ITIH2: variants seen among roughly 807,000 people sequenced by gnomAD.
ITIH2 encodes inter-alpha-trypsin inhibitor heavy chain 2.
Under a neutral mutation model 104.4 loss-of-function variants are expected in ITIH2, and 103 were observed. That is an observed-to-expected ratio of 0.99 (90% CI 0.84 to 1.16). The LOEUF (loss-of-function observed/expected upper bound fraction) is 1.16, where lower values mean the gene tolerates loss of function less well. Ranked by LOEUF, ITIH2 falls within the 50% of genes most tolerant of loss-of-function variation. The pLI is 0.00. For synonymous variants in ITIH2, 436 were observed against 435.4 expected (o/e 1.00, Z -0.02); for missense variants, 1,108 against 1,162.4 (o/e 0.95, Z 0.68).
At chr10:7,712,770 T>C (rs1454051097) in intron 4 of ITIH2, among the ~76,000 whole-genome samples, 1 of 152,216 alleles carries the variant, frequency 6.6e-6, no homozygotes, top group Non-Finnish European at 1.5e-5. Context: ...ATCATTGCCC[T>C]CATTCATTAA....
Position 7,737,699 on chromosome 10 carries a change from A to ATATTCTATATT in ITIH2, c.1958-922_1958-921insTATTCTATATT, listed in dbSNP as rs1564305704. 6.2e-4 allele frequency among the ~76,000 whole-genome samples: 9 copies of ATATTCTATATT among 14,628 alleles called. 2 individuals are homozygous for ATATTCTATATT. Among genetic ancestry groups the ATATTCTATATT allele is most frequent in the African/African-American group, 4.1e-3 (9 of 2,192 alleles). 9.6% of individuals were successfully genotyped at this position (14,628 alleles called of 152,430 possible). On this transcript the variant is annotated intron_variant, in intron 15 of 20. Transcript: ENST00000358415. ...ATATTTTCTATATTATATTCTATAT[A>ATATTCTATATT]ATATTCTATATTATATTCTATATAA... is the stretch of plus-strand genomic sequence containing the variant.
intron 14 of ITIH2, among the ~76,000 whole-genome samples, chr10:7,734,040 T>C (rs1358590350): frequency 2.0e-5 from 3 of 151,876 alleles, no homozygotes; most frequent in East Asian, 1.9e-4. Context: ...AGATCAGCAG[T>C]TGCTAAAGGT....
At chr10:7,748,160 G>A (rs1835197294) in intron 20 of ITIH2, among the ~76,000 whole-genome samples, 1 of 150,458 alleles carries the variant, frequency 6.6e-6, no homozygotes, top group African/African-American at 2.4e-5. Flanking sequence ...AGTGAGCAGA[G>A]ATAGCACCAC....
At position 7,747,508 on chromosome 10, in the gene ITIH2, C is replaced by T. The variant is rs79621268; in HGVS notation, c.2693+804C>T. Among the ~76,000 whole-genome samples the T allele has an allele frequency of 5.3e-3, 803 of 152,158 alleles. 8 individuals carry two copies. Among genetic ancestry groups the T allele is most frequent in the African/African-American group, 0.019 (771 of 41,510 alleles). ...TCAGTTTATGGGAGGAATGAGGTAC[C>T]GACGGGAATCAGTGAGCATGTGTCA... is the stretch of plus-strand genomic sequence containing the variant. On this transcript the variant is annotated intron_variant, in intron 20 of 20. Coordinates refer to ENST00000358415, the MANE Select transcript of ITIH2 (RefSeq NM_002216.3).
Position 7,737,631 on chromosome 10 carries a change from ATATTCTATAGAATATTCTATAT to A in ITIH2, c.1958-986_1958-965del, listed in dbSNP as rs1267824982. ...TATAGAATATTCTATATTATATTCT[ATATTCTATAGAATATTCTATAT>A]TATATTCTATATTATATTCTATATT... is the stretch of plus-strand genomic sequence containing the variant. On this transcript the variant is annotated intron_variant, in intron 15 of 20. Coordinates refer to ENST00000358415, the MANE Select transcript of ITIH2 (RefSeq NM_002216.3). 9.6e-4 allele frequency among the ~76,000 whole-genome samples: 105 copies of A among 109,928 alleles called. 2 individuals are homozygous for A. The highest frequency in any genetic ancestry group is 3.7e-3 in the African/African-American group (98 of 26,546). 72.1% of individuals were successfully genotyped at this position (109,928 alleles called of 152,430 possible). A position where few individuals can be genotyped will look rare whatever the true frequency, so the allele number is the denominator to read the frequency against.
chr10:7,743,061 A>G, intron 16 of ITIH2, 85 bp from the exon 17 acceptor site: 1 of 718,836 alleles, frequency 1.4e-6, no homozygotes, highest in Non-Finnish European at 2.4e-6. Context: ...TTCTGATTAA[A>G]TTAAAGATGT....
At chr10:7,737,666 T>TCTATAGA (rs1365806735) in intron 15 of ITIH2, among the ~76,000 whole-genome samples, 3,861 of 18,544 alleles carry the variant, frequency 0.21, 925 homozygotes, top group Non-Finnish European at 0.26. Context: ...TATTCTATAT[T>TCTATAGA]ATATTCTATA....
chr10:7,726,838 T>G, intron 9 of ITIH2, 112 bp from the exon 10 acceptor site: 1 of 929,256 alleles, frequency 1.1e-6, no homozygotes, highest in Non-Finnish European at 1.6e-6. Flanking sequence ...CTGGAAGAAG[T>G]TTAGCTTGAG....
At position 7,744,839 on chromosome 10, in the gene ITIH2, TAA is replaced by T; in HGVS notation, c.2459_2460del (p.Lys820ArgfsTer20). ...KEKVVTITLD[K>X]EMSFSVLLHR... ...AAAAAGTGGTAACTATCACCCTGGA[TAA>T]AGAGATGTCCTTTTCTGTTTTACTT... On this transcript the variant is annotated frameshift_variant, in exon 19 of 21. Transcript: ENST00000358415. LOFTEE classifies it high-confidence loss of function. 1 of 1,614,146 alleles carries T rather than the reference TAA, an allele frequency of 6.2e-7. No homozygotes were observed. Among genetic ancestry groups the T allele is most frequent in the Non-Finnish European group, 8.5e-7 (1 of 1,179,996 alleles).
In ITIH2 at chr10:7,726,240, C is replaced by T. The variant is rs555866523; in HGVS notation, c.985-710C>T. Among the ~76,000 whole-genome samples the T allele has an allele frequency of 1.3e-4, 20 of 152,130 alleles. No individual in the cohort carries two copies. The South Asian group carries it at 4.2e-3, about 32-fold the overall frequency. ...CTGAGAAATGAAGAAAGTGGATGCA[C>T]ATGAGGTTTGTAGAAGGGTGAGAAA... is the stretch of plus-strand genomic sequence containing the variant. On this transcript the variant is annotated intron_variant, in intron 9 of 20. Transcript: ENST00000358415.
chr10:7,731,882 G>A lies in ITIH2; in HGVS notation c.1533G>A (p.Thr511=), dbSNP rs566152480. 40 of 1,613,724 alleles carry A rather than the reference G, an allele frequency of 2.5e-5. No individual in the cohort carries two copies. The highest frequency in any genetic ancestry group is 1.6e-4 in the South Asian group (15 of 91,066). The part of the protein sequence containing the change: ...VQFNYPHTSV[T]DVTQNNFHNY... ...TCAACTATCCCCATACATCAGTCACGGACGTCACTCAAAACAATTTCCATA... is the reference window on the plus strand; with the variant it reads ...TCAACTATCCCCATACATCAGTCACAGACGTCACTCAAAACAATTTCCATA... The change falls in exon 13 of 21, where the codon ACG becomes ACA. Residue 511 remains threonine (T), a synonymous_variant. Coordinates refer to ENST00000358415, the MANE Select transcript of ITIH2 (RefSeq NM_002216.3).
chr10:7,724,475 C>T (rs1834933806), intron 9 of ITIH2, among the ~76,000 whole-genome samples: 1 of 144,954 alleles, frequency 6.9e-6, no homozygotes. Context: ...GAGGCTGAGG[C>T]AGGAGAATTG....
Position 7,727,112 on chromosome 10 carries a change from A to T in ITIH2, c.1147A>T (p.Ser383Cys). Residue 383 changes from serine to cysteine, a missense_variant, in exon 10 of 21, where the codon AGT (serine) becomes TGT (cysteine). Coordinates refer to ENST00000358415, the MANE Select transcript of ITIH2 (RefSeq NM_002216.3). ...AKRYIEKIQP[S>C]GGTNINEALL... ...GAGGTATATTGAGAAAATCCAGCCC[A>T]GTGGAGGTGAGTGTGTTGGGCTAAA... The T allele has an allele frequency of 1.2e-6, 2 of 1,613,052 alleles. No homozygotes were observed. Among genetic ancestry groups the T allele is most frequent in the Non-Finnish European group, 1.7e-6 (2 of 1,179,328 alleles).
chr10:7,730,083 G>A lies in ITIH2; in HGVS notation c.1411G>A (p.Gly471Arg). 6.2e-7 allele frequency: 1 copy of A among 1,612,336 alleles called. No homozygotes were observed. The highest frequency in any genetic ancestry group is 8.5e-7 in the Non-Finnish European group (1 of 1,179,204). The change falls in exon 12 of 21, where the codon GGA becomes AGA. Residue 471 changes from glycine (G) to arginine (R), a missense_variant. Physicochemically the swap from Gly to Arg is moderately radical, Grantham distance 125 (BLOSUM62 -2). Coordinates refer to ENST00000358415, the MANE Select transcript of ITIH2 (RefSeq NM_002216.3). ...FLKRLSNENH[G>R]IAQRIYGNQD... ...GAAGAGACTGTCCAATGAAAACCAT[G>A]GAATTGCACAAAGGATTTATGGAAA...
chr10:7,717,052 C>G (rs747473408), intron 5 of ITIH2, among the ~76,000 whole-genome samples: 9 of 151,456 alleles, frequency 5.9e-5, no homozygotes, highest in Non-Finnish European at 1.2e-4. Context: ...GGTCCTGGTT[C>G]AAGCATTTCT....
Position 7,721,791 on chromosome 10 carries a change from G to A in ITIH2, c.867+14G>A, listed in dbSNP as rs377479914. 38 of 1,612,614 alleles carry A rather than the reference G, an allele frequency of 2.4e-5. No homozygotes were observed. Among genetic ancestry groups the A allele is most frequent in the East Asian group, 8.9e-5 (4 of 44,834 alleles). ...GGTGAACTGGAGGTGAGTGCACACC[G>A]GCTCTGGTTCTACTGCCAAGCTCGT... On this transcript the variant is annotated intron_variant, in intron 8 of 20. Coordinates refer to ENST00000358415, the MANE Select transcript of ITIH2 (RefSeq NM_002216.3).
rs146780943 is a variant in ITIH2 at position 7,749,309 on chromosome 10, T to C, written c.2816T>C (p.Leu939Pro). Reference sequence around the variant, plus strand: ...TACAAGGATTACTTCGTGCCTCAGCTCTACAGCTTTCTCAAACGGCCTTAA... The same window carrying C: ...TACAAGGATTACTTCGTGCCTCAGCCCTACAGCTTTCTCAAACGGCCTTAA... ...GHYKDYFVPQ[L>P]YSFLKRP Residue 939 changes from leucine (L) to proline (P), a missense_variant, in exon 21 of 21, where the codon CTC becomes CCC. Transcript: ENST00000358415. 4.3e-6 allele frequency: 7 copies of C among 1,614,032 alleles called. No individual in the cohort carries two copies. The African/African-American group carries it at 8.0e-5, about 18-fold the overall frequency.
intron 16 of ITIH2, among the ~76,000 whole-genome samples, chr10:7,739,836 C>T (rs930837987): frequency 3.3e-5 from 5 of 152,192 alleles, no homozygotes; most frequent in African/African-American, 1.2e-4. Flanking sequence ...TTGCAGTGAG[C>T]TATCATTGCG....
chr10:7,746,462 T>C, intron 19 of ITIH2, 131 bp from the exon 20 acceptor site: 1 of 635,452 alleles, frequency 1.6e-6, no homozygotes, highest in Non-Finnish European at 2.8e-6. Flanking sequence ...CCACTCCTTT[T>C]TCCTCTCAGC....
Sources: allele counts gnomAD v4.1 joint callset (sites outside exome capture counted in the v4.1 genomes callset), GRCh38; gene constraint gnomAD v4.1.1; transcripts MANE v1.5; gene names NCBI Gene and HGNC (gene_info 2026-07-23, HGNC 2026-07-21).